The following PCDH7 variants were observed in gnomAD, a reference collection of about 807,000 sequenced individuals.
PCDH7 encodes protocadherin 7, also known as protocadherin-7.
A neutral mutation model predicts 58.9 loss-of-function variants in PCDH7; 17 were observed. The observed-to-expected ratio is 0.29, with a 90% CI of 0.20 to 0.43. The LOEUF is 0.43. PCDH7 is among the 20% of genes least tolerant of loss of function. The pLI, the probability that PCDH7 is intolerant of heterozygous loss-of-function variation, is 1.00. For missense variants in PCDH7, 1,274 were observed against 1,441.0 expected, an observed-to-expected ratio of 0.88 and a Z score of 1.88; for synonymous variants, 664 against 616.4, an observed-to-expected ratio of 1.08 and a Z score of -1.14.
rs1735398806 is a variant in PCDH7, at chr4:30,870,219, T to C, written c.71-49934T>C. ...AAGTGGATAGAATGCAAAAATTTTC[T>C]CCCATTCTGTAGGTTGCCTGTTCAC... On this transcript the variant is annotated intron_variant, in intron 1 of 3. Transcript: ENST00000509759. Among the ~76,000 whole-genome samples the C allele has an allele frequency of 2.6e-5, 4 of 152,282 alleles. No individual in the cohort carries two copies. In the South Asian group the frequency reaches 6.2e-4, roughly 24 times the overall value.
intron 3 of PCDH7, among the ~76,000 whole-genome samples, chr4:31,098,240 G>T (rs1348190717): frequency 6.6e-6 from 1 of 152,162 alleles, no homozygotes; most frequent in Non-Finnish European, 1.5e-5. Context: ...ATCTTCGGGG[G>T]TATTTTTGCT....
intron 3 of PCDH7, among the ~76,000 whole-genome samples, chr4:31,099,951 T>C (rs1714683367): frequency 6.7e-6 from 1 of 149,700 alleles, no homozygotes; most frequent in African/African-American, 2.5e-5. Context: ...TATAACATTA[T>C]GAGGCTCAGA....
intron 1 of PCDH7, among the ~76,000 whole-genome samples, chr4:30,803,443 T>TC (rs1725790702): frequency 7.2e-6 from 1 of 139,624 alleles, no homozygotes; most frequent in East Asian, 1.9e-4. Context: ...TCAAGTGCAT[T>TC]TTTTTTTTCT....
chr4:30,734,902 G>C (rs973533933), downstream of PCDH7, among the ~76,000 whole-genome samples: 1 of 152,084 alleles, frequency 6.6e-6, no homozygotes. Context: ...TGCTGGGTGG[G>C]TGTCTCCAAG....
rs546441637 is a variant in PCDH7 at position 30,754,807 on chromosome 4, T to C, written c.70+30211T>C. 6.6e-5 allele frequency among the ~76,000 whole-genome samples: 10 copies of C among 152,276 alleles called. No homozygotes were observed. The South Asian group carries it at 2.1e-3, about 32-fold the overall frequency. Reference sequence around the variant, plus strand: ...CTAATTACATAGCTTAACAAGTAGATGGGCAGTGAAGATTTTTGATGGGTG... The same window carrying C: ...CTAATTACATAGCTTAACAAGTAGACGGGCAGTGAAGATTTTTGATGGGTG... On this transcript the variant is annotated intron_variant, in intron 1 of 3. Coordinates refer to the PCDH7 transcript ENST00000509759.
At chr4:30,724,439 A>G in exon 1 of PCDH7, 1 of 1,614,116 alleles carries the variant, frequency 6.2e-7, no homozygotes, top group East Asian at 2.2e-5. Flanking sequence ...CCTACTGTTC[A>G]GCTTCATCCC....
rs540492079 is a variant in PCDH7, at chr4:30,935,583, G to A, written c.288-14537G>A. On this transcript the variant is annotated intron_variant, in intron 2 of 3. Transcript: ENST00000509759. ...GATTTATTGCTAAGGAATAATAAATGACAGAAACCAGTAACTCACAGAGAT... is the reference window on the plus strand; with the variant it reads ...GATTTATTGCTAAGGAATAATAAATAACAGAAACCAGTAACTCACAGAGAT... Among the ~76,000 whole-genome samples the A allele has an allele frequency of 4.5e-4, 68 of 152,202 alleles. No individual in the cohort carries two copies. In the South Asian group the frequency reaches 8.9e-3, roughly 20 times the overall value.
chr4:30,874,585 A>G (rs1424714609), intron 1 of PCDH7, among the ~76,000 whole-genome samples: 1 of 151,932 alleles, frequency 6.6e-6, no homozygotes, highest in Admixed American at 6.6e-5. Flanking sequence ...GATATACCTA[A>G]TGCTAAATGA....
rs79129568 is a variant in PCDH7 at position 30,819,799 on chromosome 4, A to C, written c.70+95203A>C. ...TTTTTTAAAAGTAAATCCTATAGCA[A>C]ATTATTCTAAAGATCTTTGGGAGAG... On this transcript the variant is annotated intron_variant, in intron 1 of 3. Transcript: ENST00000509759. 2.8e-3 allele frequency among the ~76,000 whole-genome samples: 429 copies of C among 152,204 alleles called. 3 individuals carry two copies. Among genetic ancestry groups the C allele is most frequent in the Middle Eastern group, 6.8e-3 (2 of 294 alleles).
intron 3 of PCDH7, among the ~76,000 whole-genome samples, chr4:30,992,100 C>G (rs1264286247): frequency 6.6e-6 from 1 of 152,080 alleles, no homozygotes; most frequent in Non-Finnish European, 1.5e-5. Context: ...AAACAGGGAT[C>G]ATAATGCTTT....
At chr4:30,904,878 G>GA (rs753666577) in intron 1 of PCDH7, among the ~76,000 whole-genome samples, 16 of 152,144 alleles carry the variant, frequency 1.1e-4, no homozygotes, top group Admixed American at 2.0e-4. Context: ...TAACACTTCA[G>GA]AAACTGACTC....
chr4:30,893,964 A>C (rs561998611), intron 1 of PCDH7, among the ~76,000 whole-genome samples: 4 of 152,224 alleles, frequency 2.6e-5, no homozygotes, highest in Non-Finnish European at 5.9e-5. Context: ...CCAATGGCTA[A>C]AGCCATTCAT....
chr4:30,911,317 A>C (rs1269989793), intron 1 of PCDH7, among the ~76,000 whole-genome samples: 6 of 108,164 alleles, frequency 5.5e-5, no homozygotes, highest in Admixed American at 9.4e-5. Flanking sequence ...TAAAAAAAAA[A>C]TCACCCCCCC....
chr4:30,748,739 C>A (rs1039668008), intron 1 of PCDH7, among the ~76,000 whole-genome samples: 1 of 152,074 alleles, frequency 6.6e-6, no homozygotes, highest in Non-Finnish European at 1.5e-5. Flanking sequence ...AATTGACATC[C>A]TATGTGATAT....
At chr4:31,032,617 AAAAG>A (rs1354326286) in intron 3 of PCDH7, among the ~76,000 whole-genome samples, 2 of 145,502 alleles carry the variant, frequency 1.4e-5, no homozygotes, top group Non-Finnish European at 3.0e-5. Context: ...AAAAAAAAAA[AAAAG>A]AAAGAAGAGA....
intron 3 of PCDH7, among the ~76,000 whole-genome samples, chr4:31,129,257 G>T (rs1718675374): frequency 6.6e-6 from 1 of 152,178 alleles, no homozygotes; most frequent in Non-Finnish European, 1.5e-5. Flanking sequence ...GGTAGGCATA[G>T]GATGAAGACC....
chr4:30,901,281 TA>T (rs1212574169), intron 1 of PCDH7, among the ~76,000 whole-genome samples: 1 of 152,116 alleles, frequency 6.6e-6, no homozygotes, highest in Non-Finnish European at 1.5e-5. Flanking sequence ...ATAGAAATAG[TA>T]AACAGAAAAA....
intron 3 of PCDH7, among the ~76,000 whole-genome samples, chr4:30,970,471 T>TG (rs201365565): frequency 0.051 from 5,506 of 108,734 alleles, 307 homozygotes; most frequent in African/African-American, 0.21. Context: ...ATTTTTTGTA[T>TG]TTTTAGTAGA....
chr4:30,781,058 G>C (rs1560363021), intron 1 of PCDH7, among the ~76,000 whole-genome samples: 2 of 152,038 alleles, frequency 1.3e-5, no homozygotes. Flanking sequence ...CTCAGAACCA[G>C]GACTGTGTTT....
Sources: allele counts gnomAD v4.1 joint callset (sites outside exome capture counted in the v4.1 genomes callset), GRCh38; gene constraint gnomAD v4.1.1; transcripts MANE v1.5; gene names NCBI Gene and HGNC (gene_info 2026-07-23, HGNC 2026-07-21).